Variants in PEAK1 observed in about 807,000 individuals in gnomAD.
PEAK1 encodes the protein pseudopodium enriched atypical kinase 1.
A neutral mutation model predicts 124.7 loss-of-function variants in PEAK1; 54 were observed. The observed-to-expected ratio is 0.43, with a 90% CI of 0.35 to 0.54. PEAK1 has a LOEUF of 0.54. Among genes scored for constraint, PEAK1 ranks in the 20% least tolerant of loss-of-function variants. The pLI, the probability that PEAK1 is intolerant of heterozygous loss-of-function variation, is 0.01. For missense variants in PEAK1, 2,046 were observed against 2,134.5 expected (o/e 0.96, Z 0.82); for synonymous variants, 719 against 760.0 (o/e 0.95, Z 0.89).
chr15:77,197,633 A>G (rs2058172046), intron 6 of PEAK1, among the ~76,000 whole-genome samples: 1 of 152,184 alleles, frequency 6.6e-6, no homozygotes, highest in Admixed American at 6.5e-5. Flanking sequence ...GTGTTCTGAG[A>G]TAAGACAAAA....
chr15:77,133,456 C>A lies in PEAK1; in HGVS notation c.3626G>T (p.Gly1209Val). Reference protein sequence around the residue: ...AGSSISYELKGLDIESYDSLE... With the variant: ...AGSSISYELKVLDIESYDSLE... ...GGAGTCATAAGACTCAATGTCCAGT[C>A]CTTTGAGTTCATAGCTGATGGAAGA... is the stretch of plus-strand genomic sequence containing the variant. Residue 1209 changes from glycine (G) to valine (V), a missense_variant, in exon 9 of 10, where the codon GGA becomes GTA. Transcript: ENST00000682557. This position sits in a 1 kb window ranked among gnomAD's most constrained non-coding sequence, Gnocchi z 4.2. 1 of 1,614,204 alleles carries A rather than the reference C, an allele frequency of 6.2e-7. No homozygotes were observed. Among genetic ancestry groups the A allele is most frequent in the African/African-American group, 1.3e-5 (1 of 75,050 alleles).
chr15:77,116,956 C>T (rs2051442393), intron 9 of PEAK1, among the ~76,000 whole-genome samples: 2 of 152,056 alleles, frequency 1.3e-5, no homozygotes, highest in African/African-American at 4.8e-5. Flanking sequence ...ATATATAATC[C>T]TATATGCTCA....
intron 1 of PEAK1, chr15:77,402,621 G>A (rs2071468798): frequency 2.0e-6 from 2 of 984,332 alleles, no homozygotes; most frequent in South Asian, 9.4e-5. Flanking sequence ...ACAAAGTGGG[G>A]GCATATAATG....
chr15:77,218,575 C>CTT (rs567879634), intron 6 of PEAK1, among the ~76,000 whole-genome samples: 1 of 143,620 alleles, frequency 7.0e-6, no homozygotes, highest in Admixed American at 7.0e-5. Context: ...ATTCTCTTTT[C>CTT]TTTTTTTTTT....
chr15:77,103,419 A>G (rs2050714798), downstream of PEAK1: 1 of 152,230 alleles, frequency 6.6e-6, no homozygotes, highest in Non-Finnish European at 1.5e-5. Context: ...TGCGTGAGCC[A>G]CCACACCTGG....
Position 77,133,845 on chromosome 15 carries a change from C to G in PEAK1, c.3332-95G>C. 7.5e-7 allele frequency: 1 copy of G among 1,329,276 alleles called. No individual in the cohort carries two copies. The highest frequency in any genetic ancestry group is 1.0e-6 in the Non-Finnish European group (1 of 999,234). The allele number at this position is 1,329,276 out of a possible 1,614,324, so 82.3% of individuals were successfully genotyped here. A position where few individuals can be genotyped will look rare whatever the true frequency, so the allele number is the denominator to read the frequency against. ...CTTGAGCAGAAATGAGTGAGGTAGC[C>G]ATGGGAATGTAAGAATAAGTCAACT... On this transcript the variant is annotated intron_variant, in intron 8 of 9. Transcript: ENST00000682557. This position sits in a 1 kb window ranked among gnomAD's most constrained non-coding sequence, Gnocchi z 4.2.
chr15:77,137,729 C>T (rs1414145215), intron 8 of PEAK1, among the ~76,000 whole-genome samples: 1 of 152,102 alleles, frequency 6.6e-6, no homozygotes, highest in Non-Finnish European at 1.5e-5. Context: ...AGACTTTGGA[C>T]TATGGACTTT....
intron 1 of PEAK1, among the ~76,000 whole-genome samples, chr15:77,389,769 C>T (rs1411698188): frequency 1.3e-5 from 2 of 152,128 alleles, no homozygotes; most frequent in Non-Finnish European, 1.5e-5. Flanking sequence ...AGCCAAATCT[C>T]AAGGTTTACT....
At chr15:77,310,900 CAA>C (rs1172769984) in intron 2 of PEAK1, among the ~76,000 whole-genome samples, 1 of 152,184 alleles carries the variant, frequency 6.6e-6, no homozygotes, top group Non-Finnish European at 1.5e-5. Context: ...AACAAACAAA[CAA>C]AAACCCAATG....
chr15:77,215,838 C>T (rs2059125741), intron 6 of PEAK1, among the ~76,000 whole-genome samples: 1 of 152,096 alleles, frequency 6.6e-6, no homozygotes, highest in Non-Finnish European at 1.5e-5. Flanking sequence ...AAACACATTT[C>T]CCTATGGTTT....
intron 2 of PEAK1, among the ~76,000 whole-genome samples, chr15:77,338,855 AATTG>A (rs1178267330): frequency 1.3e-5 from 2 of 151,954 alleles, no homozygotes; most frequent in African/African-American, 2.4e-5. Context: ...ACTTATAGTA[AATTG>A]ATTATTTAAC....
At chr15:77,166,030 TTTTA>T (rs1262251150) in intron 7 of PEAK1, among the ~76,000 whole-genome samples, 1 of 152,194 alleles carries the variant, frequency 6.6e-6, no homozygotes, top group Non-Finnish European at 1.5e-5. Context: ...CTGCTTTTAC[TTTTA>T]GTTAGAAGAA....
At chr15:77,127,082 A>G (rs2052437896) in intron 9 of PEAK1, among the ~76,000 whole-genome samples, 1 of 152,204 alleles carries the variant, frequency 6.6e-6, no homozygotes, top group Admixed American at 6.5e-5. Context: ...ATGATGTGAC[A>G]GGATTAGTGT....
chr15:77,412,347 G>C (rs1392427399), intron 1 of PEAK1, among the ~76,000 whole-genome samples: 1 of 152,154 alleles, frequency 6.6e-6, no homozygotes, highest in Non-Finnish European at 1.5e-5. Context: ...GTCTAGAACA[G>C]AACTCCTAAA....
intron 5 of PEAK1, among the ~76,000 whole-genome samples, chr15:77,267,174 T>C (rs1315074582): frequency 1.3e-5 from 2 of 152,222 alleles, no homozygotes; most frequent in African/African-American, 2.4e-5. Flanking sequence ...CGTAATTGCA[T>C]TGGCCTGGGA....
chr15:77,182,650 G>C (rs978209772), intron 6 of PEAK1, among the ~76,000 whole-genome samples: 1 of 151,352 alleles, frequency 6.6e-6, no homozygotes, highest in African/African-American at 2.4e-5. Context: ...TACTCAGGAA[G>C]CTGAGGCAGG....
intron 1 of PEAK1, chr15:77,417,205 C>G (rs959099938): frequency 9.9e-6 from 3 of 302,520 alleles, no homozygotes; most frequent in Non-Finnish European, 1.5e-5. Context: ...ATCTTCTCCT[C>G]CTCAACTGTA....
At chr15:77,207,235 CA>C (rs2058703505) in intron 6 of PEAK1, among the ~76,000 whole-genome samples, 1 of 152,182 alleles carries the variant, frequency 6.6e-6, no homozygotes, top group African/African-American at 2.4e-5. Flanking sequence ...ACACCAAAAG[CA>C]ATGGCAACAA....
intron 6 of PEAK1, among the ~76,000 whole-genome samples, chr15:77,240,964 A>G (rs2060330232): frequency 6.6e-6 from 1 of 152,164 alleles, no homozygotes; most frequent in African/African-American, 2.4e-5. Flanking sequence ...CTGCTTCACC[A>G]TGATGCTAAA....
Sources: gnomAD v4.1 joint callset for allele counts (sites outside exome capture counted in the v4.1 genomes callset) on GRCh38, gnomAD v4.1.1 for gene constraint, Gnocchi (gnomAD v3.1) non-coding constraint, MANE v1.5 for transcripts, NCBI Gene and HGNC (gene_info 2026-07-23, HGNC 2026-07-21) for gene names.